CSMD1: variants seen among roughly 807,000 people sequenced by gnomAD.
CSMD1 encodes the protein CUB and sushi domain-containing protein 1.
A neutral mutation model predicts 417.5 loss-of-function variants in CSMD1; 213 were observed. The observed-to-expected ratio is 0.51, with a 90% CI of 0.46 to 0.57. The LOEUF (loss-of-function observed/expected upper bound fraction) is 0.57. Among genes scored for constraint, CSMD1 ranks in the 20% least tolerant of loss-of-function variants. CSMD1 has a pLI of 0.00. For missense variants in CSMD1, 6,923 were observed against 4,529.7 expected (o/e 1.53, Z -15.17); for synonymous variants, 2,862 against 1,736.8 (o/e 1.65, Z -16.11).
At chr8:4,309,902 T>A (rs922423182) in intron 3 of CSMD1, among the ~76,000 whole-genome samples, 1 of 152,200 alleles carries the variant, frequency 6.6e-6, no homozygotes, top group African/African-American at 2.4e-5. Flanking sequence ...GCTTCAACTA[T>A]GAAATGTGAT....
intron 22 of CSMD1, among the ~76,000 whole-genome samples, chr8:3,347,498 C>T (rs1027336816): frequency 6.6e-6 from 1 of 152,206 alleles, no homozygotes; most frequent in African/African-American, 2.4e-5. Flanking sequence ...GATTTACCTC[C>T]ATTATCACTT....
chr8:4,422,577 G>T lies in CSMD1; in HGVS notation c.303-2512C>A, dbSNP rs564400870. ...AAGTCAGGAAGAGAGCCCTCACCAG[G>T]AACTGACTATTCTGGACCCTGATCT... On this transcript the variant is annotated intron_variant, in intron 2 of 69. Coordinates refer to ENST00000635120, the MANE Select transcript of CSMD1 (RefSeq NM_033225.6). 7.0e-4 allele frequency among the ~76,000 whole-genome samples: 107 copies of T among 152,148 alleles called. 1 individual carries two copies. The highest frequency in any genetic ancestry group is 2.6e-3 in the African/African-American group (106 of 41,542).
intron 3 of CSMD1, among the ~76,000 whole-genome samples, chr8:4,232,389 G>C (rs1009101972): frequency 6.6e-6 from 1 of 152,214 alleles, no homozygotes; most frequent in Non-Finnish European, 1.5e-5. Flanking sequence ...AGTAGAGACG[G>C]GGTTTCCCCA....
chr8:3,092,013 C>T (rs1441430894), intron 47 of CSMD1, among the ~76,000 whole-genome samples: 1 of 152,030 alleles, frequency 6.6e-6, no homozygotes. Context: ...TCATGTAATA[C>T]TAGTGGAAGC....
At chr8:4,041,299 G>A (rs1585189447) in intron 3 of CSMD1, among the ~76,000 whole-genome samples, 1 of 151,118 alleles carries the variant, frequency 6.6e-6, no homozygotes. Flanking sequence ...TTACATGCGT[G>A]AGCCACCGCG....
intron 2 of CSMD1, among the ~76,000 whole-genome samples, chr8:4,529,301 C>A (rs141007920): frequency 3.7e-4 from 56 of 152,236 alleles, no homozygotes; most frequent in African/African-American, 1.1e-3. Context: ...AACATTACAA[C>A]AGATTGTATG....
chr8:3,211,000 A>G (rs1447953728), intron 30 of CSMD1, among the ~76,000 whole-genome samples: 3 of 152,128 alleles, frequency 2.0e-5, no homozygotes, highest in African/African-American at 7.2e-5. Context: ...TGCAAAAATC[A>G]TTTTCTGGGA....
At chr8:3,591,068 C>G (rs572497761) in intron 8 of CSMD1, among the ~76,000 whole-genome samples, 5 of 152,186 alleles carry the variant, frequency 3.3e-5, no homozygotes, top group African/African-American at 1.2e-4. Flanking sequence ...TGGCAAGTTA[C>G]TTTAGTCCGC....
At chr8:4,414,132 A>G (rs1248003185) in intron 3 of CSMD1, among the ~76,000 whole-genome samples, 1 of 152,220 alleles carries the variant, frequency 6.6e-6, no homozygotes, top group Non-Finnish European at 1.5e-5. Flanking sequence ...GAAATAAATC[A>G]GTGCTGACAT....
chr8:4,194,533 T>C (rs1469371458), intron 3 of CSMD1, among the ~76,000 whole-genome samples: 3 of 152,114 alleles, frequency 2.0e-5, no homozygotes, highest in African/African-American at 7.2e-5. Flanking sequence ...TCAACAACTA[T>C]TTTTATTATA....
chr8:3,744,388 C>A (rs1796964053), intron 6 of CSMD1, among the ~76,000 whole-genome samples: 1 of 152,054 alleles, frequency 6.6e-6, no homozygotes, highest in African/African-American at 2.4e-5. Flanking sequence ...GATTTGGAAC[C>A]CAGGTTAATG....
chr8:4,677,197 C>G (rs1299127592), intron 1 of CSMD1, among the ~76,000 whole-genome samples: 1 of 149,924 alleles, frequency 6.7e-6, no homozygotes, highest in East Asian at 1.9e-4. Context: ...GGTAACTATA[C>G]ATAATAGTTC....
At chr8:4,035,462 CATT>C (rs748483795) in intron 3 of CSMD1, among the ~76,000 whole-genome samples, 4 of 147,706 alleles carry the variant, frequency 2.7e-5, no homozygotes, top group Non-Finnish European at 5.9e-5. Context: ...CAAAAGGAGG[CATT>C]ATTATCCTAG....
intron 12 of CSMD1, among the ~76,000 whole-genome samples, chr8:3,432,932 G>A (rs1477136286): frequency 2.6e-5 from 4 of 152,208 alleles, no homozygotes; most frequent in Middle Eastern, 3.4e-3. Context: ...AATCATTGAA[G>A]AACATACCTT....
intron 46 of CSMD1, among the ~76,000 whole-genome samples, chr8:3,101,045 T>C (rs1345088158): frequency 1.7e-5 from 2 of 115,482 alleles, no homozygotes; most frequent in East Asian, 2.6e-4. Context: ...GTTCACTGAA[T>C]ACGTATGGTG....
chr8:4,558,035 C>T (rs1320016658), intron 2 of CSMD1, among the ~76,000 whole-genome samples: 1 of 152,158 alleles, frequency 6.6e-6, no homozygotes, highest in African/African-American at 2.4e-5. Context: ...TGAGCTATGG[C>T]TAACAATGCC....
chr8:3,757,222 G>C (rs1256743430), intron 5 of CSMD1, among the ~76,000 whole-genome samples: 2 of 152,070 alleles, frequency 1.3e-5, no homozygotes, highest in Admixed American at 1.3e-4. Context: ...TACCTACTCA[G>C]AACAATGATA....
At chr8:3,560,699 G>A (rs1031526183) in intron 10 of CSMD1, among the ~76,000 whole-genome samples, 1 of 152,046 alleles carries the variant, frequency 6.6e-6, no homozygotes, top group Non-Finnish European at 1.5e-5. Context: ...TTTCTCTCAG[G>A]GTACTTTTTG....
intron 1 of CSMD1, among the ~76,000 whole-genome samples, chr8:4,648,341 T>G (rs1478818067): frequency 6.6e-6 from 1 of 152,206 alleles, no homozygotes; most frequent in Non-Finnish European, 1.5e-5. Flanking sequence ...TAGGATATAA[T>G]GACATGATCC....
Sources: gnomAD v4.1 joint callset for allele counts (sites outside exome capture counted in the v4.1 genomes callset) on GRCh38, gnomAD v4.1.1 for gene constraint, MANE v1.5 for transcripts, NCBI Gene and HGNC (gene_info 2026-07-23, HGNC 2026-07-21) for gene names.